Variants in HDAC9 observed in about 807,000 individuals in gnomAD.
HDAC9 encodes the protein MEF-2 interacting transcription repressor (MITR) protein.
In HDAC9, 41 loss-of-function variants were observed where a neutral mutation model predicts 139.4. That is an observed-to-expected ratio of 0.29 (90% CI 0.23 to 0.38). HDAC9 has a LOEUF of 0.38. Ranked by LOEUF, HDAC9 falls within the 10% of genes least tolerant of loss-of-function variation. The probability of loss-of-function intolerance (pLI) is 1.00; values close to 1 mark genes in which losing one functional copy is unlikely to be tolerated. For synonymous variants in HDAC9, 517 were observed against 476.2 expected, an observed-to-expected ratio of 1.09 and a Z score of -1.12; for missense variants, 1,147 against 1,297.0, an observed-to-expected ratio of 0.88 and a Z score of 1.78.
At chr7:18,646,189 C>G (rs1787342260) in intron 9 of HDAC9, among the ~76,000 whole-genome samples, 1 of 151,962 alleles carries the variant, frequency 6.6e-6, no homozygotes, top group Admixed American at 6.6e-5. Context: ...AAATACCAAC[C>G]CAAAAACTTC....
At chr7:18,263,571 C>G (rs1795811152) in intron 2 of HDAC9, among the ~76,000 whole-genome samples, 1 of 151,916 alleles carries the variant, frequency 6.6e-6, no homozygotes, top group African/African-American at 2.4e-5. Context: ...GGTCCTCATC[C>G]CTGTGGACTC....
intron 1 of HDAC9, among the ~76,000 whole-genome samples, chr7:18,352,633 C>T (rs964623682): frequency 1.1e-4 from 16 of 151,804 alleles, no homozygotes; most frequent in Admixed American, 3.3e-4. Context: ...TCAAAGGGAA[C>T]GTAAAGGTGA....
chr7:18,671,950 TATTC>T (rs1457500349), intron 12 of HDAC9, among the ~76,000 whole-genome samples: 1 of 152,110 alleles, frequency 6.6e-6, no homozygotes, highest in Non-Finnish European at 1.5e-5. Context: ...ACATTTTGCT[TATTC>T]ATTCATCAGT....
intron 2 of HDAC9, among the ~76,000 whole-genome samples, chr7:18,560,755 A>G (rs867064191): frequency 2.8e-4 from 43 of 152,156 alleles, no homozygotes; most frequent in African/African-American, 9.9e-4. Flanking sequence ...ACAGAGGTGA[A>G]GCATTTTGAT....
At chr7:18,375,627 G>A (rs777436609) in intron 1 of HDAC9, among the ~76,000 whole-genome samples, 3 of 152,196 alleles carry the variant, frequency 2.0e-5, no homozygotes, top group Non-Finnish European at 2.9e-5. Flanking sequence ...TCGCTGAGGG[G>A]TGAATGGGTG....
At chr7:18,962,190 G>T (rs1783570467) in intron 24 of HDAC9, among the ~76,000 whole-genome samples, 1 of 152,152 alleles carries the variant, frequency 6.6e-6, no homozygotes. Context: ...CCTGACTGTT[G>T]TCAGGTGGGA....
At chr7:18,544,477 G>A (rs1430221033) in intron 2 of HDAC9, among the ~76,000 whole-genome samples, 1 of 152,158 alleles carries the variant, frequency 6.6e-6, no homozygotes, top group East Asian at 1.9e-4. Flanking sequence ...TTTAGGAAAA[G>A]GGTCAGAACA....
chr7:18,667,208 G>T (rs1795095049), intron 12 of HDAC9: 1 of 985,030 alleles, frequency 1.0e-6, no homozygotes, highest in Non-Finnish European at 1.2e-6. Context: ...TGATGACACT[G>T]TCTATCAAAA....
At chr7:18,795,273 A>AAAAAAAAAAAAAAAAAAAC (rs1792694944) in intron 17 of HDAC9, among the ~76,000 whole-genome samples, 1 of 150,100 alleles carries the variant, frequency 6.7e-6, no homozygotes, top group Non-Finnish European at 1.5e-5. Context: ...AAAAAAAAAA[A>AAAAAAAAAAAAAAAAAAAC]AAAAAAAAAA....
intron 22 of HDAC9, among the ~76,000 whole-genome samples, chr7:18,884,327 A>G (rs1450042475): frequency 6.6e-6 from 1 of 152,242 alleles, no homozygotes; most frequent in Non-Finnish European, 1.5e-5. Flanking sequence ...TCATAAAAGC[A>G]TGACAGTGGC....
intron 22 of HDAC9, among the ~76,000 whole-genome samples, chr7:18,882,924 T>G (rs1040410170): frequency 6.6e-6 from 1 of 152,138 alleles, no homozygotes; most frequent in Non-Finnish European, 1.5e-5. Context: ...GGATTTTAGG[T>G]AAATAGTAAG....
intron 22 of HDAC9, among the ~76,000 whole-genome samples, chr7:18,884,279 A>G (rs1799955253): frequency 6.6e-6 from 1 of 152,210 alleles, no homozygotes; most frequent in Non-Finnish European, 1.5e-5. Flanking sequence ...GAGGTACCAT[A>G]CTTTCCAATG....
chr7:18,095,915 AT>A (rs1222262375), intron 1 of HDAC9, among the ~76,000 whole-genome samples: 1 of 152,202 alleles, frequency 6.6e-6, no homozygotes, highest in African/African-American at 2.4e-5. Flanking sequence ...ATCAATATAG[AT>A]ACAAAAATTG....
At chr7:18,737,709 G>A (rs766805659) in intron 13 of HDAC9, among the ~76,000 whole-genome samples, 38 of 152,238 alleles carry the variant, frequency 2.5e-4, no homozygotes, top group Non-Finnish European at 4.7e-4. Flanking sequence ...TAAGTGCGAT[G>A]TGGTGCTGAG....
intron 22 of HDAC9, among the ~76,000 whole-genome samples, chr7:18,876,645 G>A (rs1014081063): frequency 1.3e-5 from 2 of 151,782 alleles, no homozygotes; most frequent in African/African-American, 4.8e-5. Flanking sequence ...ATTGCATGAG[G>A]CATTTTCTGT....
At chr7:18,594,536 A>G (rs931187190) in intron 6 of HDAC9, among the ~76,000 whole-genome samples, 11 of 152,064 alleles carry the variant, frequency 7.2e-5, no homozygotes, top group African/African-American at 2.4e-4. Flanking sequence ...CTAATATCTC[A>G]TGGATTATAA....
chr7:18,354,437 C>A (rs1783094785), intron 1 of HDAC9, among the ~76,000 whole-genome samples: 1 of 152,064 alleles, frequency 6.6e-6, no homozygotes, highest in Non-Finnish European at 1.5e-5. Flanking sequence ...CTCTACGGTG[C>A]TTGAAAGAGG....
intron 6 of HDAC9, among the ~76,000 whole-genome samples, chr7:18,604,256 C>T (rs1399896151): frequency 1.3e-5 from 2 of 151,934 alleles, no homozygotes; most frequent in Admixed American, 6.6e-5. Context: ...ATATGTTATA[C>T]CTTTTGCAAT....
intron 12 of HDAC9, among the ~76,000 whole-genome samples, chr7:18,675,947 G>A (rs894893175): frequency 6.6e-6 from 1 of 151,892 alleles, no homozygotes; most frequent in African/African-American, 2.4e-5. Context: ...TTCAACTAAT[G>A]ATTCACTAAT....
Sources: gnomAD v4.1 joint callset for allele counts (sites outside exome capture counted in the v4.1 genomes callset) on GRCh38, gnomAD v4.1.1 for gene constraint, MANE v1.5 for transcripts, NCBI Gene and HGNC (gene_info 2026-07-23, HGNC 2026-07-21) for gene names.